The following CADM2 variants were observed in gnomAD, a reference collection of about 807,000 sequenced individuals.
CADM2 encodes immunoglobulin superfamily member 4D.
In CADM2, 12 loss-of-function variants were observed where a neutral mutation model predicts 49.8. The ratio of observed to expected loss-of-function variants is 0.24; its 90% CI spans 0.15 to 0.39. The LOEUF (loss-of-function observed/expected upper bound fraction) is 0.39, where lower values mean the gene tolerates loss of function less well. Among genes scored for constraint, CADM2 ranks in the 10% least tolerant of loss-of-function variants. The pLI, the probability that CADM2 is intolerant of heterozygous loss-of-function variation, is 1.00. For synonymous variants in CADM2, 214 were observed against 175.4 expected (o/e 1.22, Z -1.74); for missense variants, 378 against 492.3 (o/e 0.77, Z 2.20).
chr3:85,636,725 G>A (rs1264841234), intron 1 of CADM2, among the ~76,000 whole-genome samples: 1 of 152,042 alleles, frequency 6.6e-6, no homozygotes, highest in Non-Finnish European at 1.5e-5. Flanking sequence ...ACCACATTTT[G>A]TACTGTACCT....
chr3:85,276,163 C>G (rs925332021), intron 1 of CADM2, among the ~76,000 whole-genome samples: 1 of 151,180 alleles, frequency 6.6e-6, no homozygotes, highest in African/African-American at 2.4e-5. Flanking sequence ...AAAACAAAAA[C>G]AAGCCATTAA....
chr3:85,844,570 CTTT>C (rs796559295), intron 3 of CADM2, among the ~76,000 whole-genome samples: 32 of 152,216 alleles, frequency 2.1e-4, no homozygotes, highest in African/African-American at 7.7e-4. Flanking sequence ...AAGTGCAACA[CTTT>C]CTGAAGTAAA....
chr3:85,967,177 A>C (rs1725583707), intron 8 of CADM2, among the ~76,000 whole-genome samples: 1 of 151,666 alleles, frequency 6.6e-6, no homozygotes, highest in African/African-American at 2.4e-5. Flanking sequence ...TTTGTTGCTC[A>C]TGTAGACACA....
rs563688794 is a variant in CADM2, at chr3:85,484,018, T to A, written c.62-242504T>A. On this transcript the variant is annotated intron_variant, in intron 1 of 9. Coordinates refer to ENST00000383699, the MANE Select transcript of CADM2 (RefSeq NM_001167675.2). ...AATGTTCTGAGGGTTTTTTTCTTCC[T>A]TCCATTAAAATGTCTGCTCAGAAAA... 1.6e-3 allele frequency among the ~76,000 whole-genome samples: 245 copies of A among 151,978 alleles called. 1 individual carries two copies. Among genetic ancestry groups the A allele is most frequent in the African/African-American group, 5.8e-3 (239 of 41,532 alleles).
At chr3:85,364,480 G>A (rs1023135988) in intron 1 of CADM2, among the ~76,000 whole-genome samples, 13 of 152,134 alleles carry the variant, frequency 8.5e-5, no homozygotes, top group Non-Finnish European at 1.8e-4. Flanking sequence ...AAACCTACAA[G>A]GACATAAGAG....
At chr3:85,817,866 G>T (rs953277542) in intron 3 of CADM2, among the ~76,000 whole-genome samples, 2 of 151,786 alleles carry the variant, frequency 1.3e-5, no homozygotes, top group African/African-American at 4.8e-5. Context: ...GTTTTGAAAG[G>T]CCACCTTATC....
chr3:85,031,603 C>T (rs1305275307), intron 1 of CADM2, among the ~76,000 whole-genome samples: 1 of 152,166 alleles, frequency 6.6e-6, no homozygotes, highest in Non-Finnish European at 1.5e-5. Flanking sequence ...CAAGCTCCGC[C>T]TCCCGGGTTC....
chr3:85,049,326 AG>A (rs1222230580), intron 1 of CADM2, among the ~76,000 whole-genome samples: 2 of 107,738 alleles, frequency 1.9e-5, no homozygotes, highest in Non-Finnish European at 3.5e-5. Flanking sequence ...TTGCAGGTTT[AG>A]TTTATTTATT....
At position 85,802,120 on chromosome 3, in the gene CADM2, G is replaced by T. The variant is rs146842915; in HGVS notation, c.162G>T (p.Arg54Ser). 7.4e-6 allele frequency: 12 copies of T among 1,613,198 alleles called. No individual in the cohort carries two copies. The highest frequency in any genetic ancestry group is 1.3e-5 in the African/African-American group (1 of 74,988). The change falls in exon 3 of 10, where the codon AGG becomes AGT. Residue 54 changes from arginine to serine, a missense_variant. By Grantham distance (110) the Arg-to-Ser change is moderately radical. Coordinates refer to ENST00000383699, the MANE Select transcript of CADM2 (RefSeq NM_001167675.2). ...VEGGTAILTC[R>S]VDQNDNTSLQ... The stretch of plus-strand genomic sequence containing the variant: ...GTGGAACTGCAATTTTGACCTGCAG[G>T]GTTGATCAAAATGATAACACCTCCC...
intron 3 of CADM2, among the ~76,000 whole-genome samples, chr3:85,846,062 A>G (rs2108277192): frequency 6.6e-6 from 1 of 152,314 alleles, no homozygotes; most frequent in Middle Eastern, 3.4e-3. Flanking sequence ...CAATCTTTTC[A>G]TAGGAGAGAC....
intron 2 of CADM2, among the ~76,000 whole-genome samples, chr3:85,760,335 ACTT>A (rs2069313292): frequency 7.7e-6 from 1 of 130,208 alleles, no homozygotes; most frequent in South Asian, 2.5e-4. Flanking sequence ...AAAGATGGAT[ACTT>A]CTTTTTTTTT....
rs572850349 is a variant in CADM2 at position 85,945,332 on chromosome 3, C to T, written c.791+9475C>T. ...GTCCCAGACCAGACGGTTTCACAGC[C>T]GAATTCTACCAGAGGTACAAGGAGG... On this transcript the variant is annotated intron_variant, in intron 7 of 9. Coordinates refer to ENST00000383699, the MANE Select transcript of CADM2 (RefSeq NM_001167675.2). 4.2e-4 allele frequency among the ~76,000 whole-genome samples: 64 copies of T among 152,108 alleles called. 1 individual carries two copies. The highest frequency in any genetic ancestry group is 1.2e-3 in the African/African-American group (50 of 41,510).
chr3:85,158,930 G>A (rs1350572894), intron 1 of CADM2, among the ~76,000 whole-genome samples: 1 of 152,064 alleles, frequency 6.6e-6, no homozygotes, highest in Non-Finnish European at 1.5e-5. Context: ...GTGTGAGAGA[G>A]AAAGATAGTT....
intron 1 of CADM2, among the ~76,000 whole-genome samples, chr3:85,433,507 G>A (rs934995739): frequency 1.3e-5 from 2 of 151,932 alleles, no homozygotes; most frequent in Non-Finnish European, 2.9e-5. Context: ...GTGACTACCC[G>A]CCTGGAAAGC....
At chr3:85,102,375 G>C (rs7632253) in intron 1 of CADM2, among the ~76,000 whole-genome samples, 1 of 152,064 alleles carries the variant, frequency 6.6e-6, no homozygotes, top group Non-Finnish European at 1.5e-5. Context: ...TAAAACATTT[G>C]ATAGTTTACT....
chr3:85,837,214 A>T (rs2074451468), intron 3 of CADM2, among the ~76,000 whole-genome samples: 1 of 151,602 alleles, frequency 6.6e-6, no homozygotes, highest in Admixed American at 6.6e-5. Flanking sequence ...TGATGAGTTA[A>T]ATCTGGGGAT....
At chr3:85,882,742 C>A (rs1712997366) in intron 3 of CADM2, among the ~76,000 whole-genome samples, 1 of 152,192 alleles carries the variant, frequency 6.6e-6, no homozygotes, top group Non-Finnish European at 1.5e-5. Flanking sequence ...TACAATACAG[C>A]AGTGGCACCA....
At chr3:85,280,995 C>T (rs1576272434) in intron 1 of CADM2, among the ~76,000 whole-genome samples, 2 of 151,554 alleles carry the variant, frequency 1.3e-5, no homozygotes, top group Middle Eastern at 7.2e-3. Context: ...TAGATAAGTT[C>T]AGGAAAAAAA....
At chr3:85,399,036 G>T (rs2034948874) in intron 1 of CADM2, among the ~76,000 whole-genome samples, 1 of 152,134 alleles carries the variant, frequency 6.6e-6, no homozygotes, top group Non-Finnish European at 1.5e-5. Flanking sequence ...TCTGGCTTTT[G>T]TTGCCACTGC....
Sources: allele counts gnomAD v4.1 joint callset (sites outside exome capture counted in the v4.1 genomes callset), GRCh38; gene constraint gnomAD v4.1.1; transcripts MANE v1.5; gene names NCBI Gene and HGNC (gene_info 2026-07-23, HGNC 2026-07-21).